The following COL24A1 variants were observed in gnomAD, a reference collection of about 807,000 sequenced individuals.
The protein encoded by COL24A1 is collagen alpha-1(XXIV) chain.
COL24A1 carries 224 observed loss-of-function variants against 253.9 expected under a neutral mutation model. The observed-to-expected ratio is 0.88, with a 90% confidence interval of 0.79 to 0.99. COL24A1 has a LOEUF of 0.99. Ranked by LOEUF, COL24A1 falls within the 50% of genes least tolerant of loss-of-function variation. COL24A1 has a pLI of 0.00. For synonymous variants in COL24A1, 685 were observed against 673.7 expected (o/e 1.02, Z -0.26); for missense variants, 2,131 against 2,068.5 (o/e 1.03, Z -0.59).
chr1:85,943,974 CAG>C (rs1336530829), intron 24 of COL24A1, among the ~76,000 whole-genome samples: 4 of 152,230 alleles, frequency 2.6e-5, no homozygotes, highest in Non-Finnish European at 5.9e-5. Flanking sequence ...ACAATGCTGA[CAG>C]TGTGTGCAGG....
At chr1:86,068,550 C>T (rs142471293) in intron 7 of COL24A1, among the ~76,000 whole-genome samples, 2 of 152,228 alleles carry the variant, frequency 1.3e-5, no homozygotes, top group East Asian at 3.9e-4. Context: ...TAGGACACGA[C>T]AACTGCAAAT....
intron 24 of COL24A1, among the ~76,000 whole-genome samples, 192 bp downstream of exon 24, chr1:85,961,057 T>C (rs1222081477): frequency 2.0e-5 from 3 of 152,000 alleles, no homozygotes; most frequent in African/African-American, 4.8e-5. Flanking sequence ...ATCAATTGTG[T>C]TTTCTCTCTT....
chr1:85,854,304 A>C (rs527567087), intron 37 of COL24A1, among the ~76,000 whole-genome samples: 9 of 152,008 alleles, frequency 5.9e-5, no homozygotes, highest in Non-Finnish European at 1.3e-4. Context: ...CGGTTCTCTA[A>C]CCTGTTTCAT....
At chr1:86,021,046 C>G (rs1458634569) in intron 18 of COL24A1, among the ~76,000 whole-genome samples, 1 of 152,098 alleles carries the variant, frequency 6.6e-6, no homozygotes, top group Non-Finnish European at 1.5e-5. Context: ...ATATAAAATA[C>G]TGTCACTGTT....
chr1:85,780,118 A>G (rs1668998283), intron 52 of COL24A1, among the ~76,000 whole-genome samples: 1 of 152,132 alleles, frequency 6.6e-6, no homozygotes. Flanking sequence ...CCCACTTACA[A>G]TCTTATATAG....
At position 85,869,513 on chromosome 1, in the gene COL24A1, A is replaced by G. The variant is rs1424204518; in HGVS notation, c.3139-678T>C. ...CAGCGGATCTCTTGGCAGAAACTCT[A>G]GAAGCCAGAAGAGAGTGGGGGCCAA... On this transcript the variant is annotated intron_variant, in intron 35 of 59. Transcript: ENST00000370571. Among the ~76,000 whole-genome samples, 5 of 152,364 alleles carry G rather than the reference A, an allele frequency of 3.3e-5. No homozygotes were observed. In the South Asian group the frequency reaches 6.2e-4, roughly 19 times the overall value.
At chr1:86,075,574 G>A (rs1349109202) in intron 7 of COL24A1, among the ~76,000 whole-genome samples, 1 of 152,206 alleles carries the variant, frequency 6.6e-6, no homozygotes, top group East Asian at 1.9e-4. Context: ...ACCAAAACCT[G>A]GCAGAGACAC....
Position 85,983,164 on chromosome 1 carries a change from C to A in COL24A1, c.2364+4437G>T, listed in dbSNP as rs1433244825. 2.0e-5 allele frequency among the ~76,000 whole-genome samples: 3 copies of A among 151,966 alleles called. No individual in the cohort carries two copies. The East Asian group carries it at 5.8e-4, about 29-fold the overall frequency. ...CAGCCTCTTTTAGCATCCCTAATTC[C>A]ATAGCCAAAGTAAAAACACAAACCT... On this transcript the variant is annotated intron_variant, in intron 20 of 59. Transcript: ENST00000370571.
intron 13 of COL24A1, among the ~76,000 whole-genome samples, chr1:86,032,808 G>A (rs529317918): frequency 7.9e-5 from 12 of 152,050 alleles, no homozygotes; most frequent in Admixed American, 2.6e-4. Context: ...TTTAAATGAA[G>A]AGCAGATTTC....
Position 86,126,225 on chromosome 1 carries a change from A to C in COL24A1, c.122-11T>G. The C allele has an allele frequency of 6.4e-7, 1 of 1,559,112 alleles. No homozygotes were observed. Among genetic ancestry groups the C allele is most frequent in the Non-Finnish European group, 8.6e-7 (1 of 1,162,306 alleles). On this transcript the variant is annotated splice_polypyrimidine_tract_variant and intron_variant, in intron 2 of 59. Coordinates refer to ENST00000370571, the MANE Select transcript of COL24A1 (RefSeq NM_152890.7). ...GAAGAATATCTATGCCTGGAAATTTAAAAAAGAGAGAGAGAAAGAATCTTA... is the reference window on the plus strand; with the variant it reads ...GAAGAATATCTATGCCTGGAAATTTCAAAAAGAGAGAGAGAAAGAATCTTA...
chr1:85,736,764 G>T (rs984422652), intron 58 of COL24A1, among the ~76,000 whole-genome samples: 6 of 152,204 alleles, frequency 3.9e-5, no homozygotes, highest in Admixed American at 3.9e-4. Context: ...ATCAGAAAAA[G>T]AAAGAAACAT....
At chr1:86,045,584 G>A (rs1453479174) in intron 12 of COL24A1, among the ~76,000 whole-genome samples, 3 of 152,014 alleles carry the variant, frequency 2.0e-5, no homozygotes, top group African/African-American at 7.2e-5. Context: ...ACACACCAAT[G>A]TATTCAAGTG....
intron 47 of COL24A1, among the ~76,000 whole-genome samples, chr1:85,788,472 T>A (rs188901331): frequency 1.9e-3 from 296 of 152,346 alleles, no homozygotes; most frequent in African/African-American, 6.4e-3. Context: ...TACACATTTG[T>A]CAGATGGTTA....
At chr1:85,960,236 A>G (rs1278173181) in intron 24 of COL24A1, among the ~76,000 whole-genome samples, 1 of 152,226 alleles carries the variant, frequency 6.6e-6, no homozygotes, top group African/African-American at 2.4e-5. Context: ...GTCATAAGAA[A>G]TAATATTATC....
intron 23 of COL24A1, among the ~76,000 whole-genome samples, chr1:85,963,394 TAAATTCC>T (rs1691252773): frequency 6.6e-6 from 1 of 152,184 alleles, no homozygotes; most frequent in African/African-American, 2.4e-5. Flanking sequence ...TTACCCTTCT[TAAATTCC>T]AAATTTGTGC....
At chr1:85,897,357 T>C (rs1415163143) in intron 28 of COL24A1, among the ~76,000 whole-genome samples, 2 of 151,870 alleles carry the variant, frequency 1.3e-5, no homozygotes, top group African/African-American at 2.4e-5. Context: ...GTCACATGTT[T>C]ACCTATGTAA....
At chr1:85,739,208 T>G (rs557099085) in intron 57 of COL24A1, among the ~76,000 whole-genome samples, 22 of 152,330 alleles carry the variant, frequency 1.4e-4, no homozygotes, top group African/African-American at 5.1e-4. Context: ...TCACCTTCTC[T>G]TGTCTTCCAA....
chr1:86,069,379 A>G (rs1347046127), intron 7 of COL24A1, among the ~76,000 whole-genome samples: 1 of 152,144 alleles, frequency 6.6e-6, no homozygotes, highest in East Asian at 1.9e-4. Context: ...GCCTGGGGAA[A>G]TTGCTGGAAA....
intron 35 of COL24A1, among the ~76,000 whole-genome samples, chr1:85,871,406 T>C (rs1322894997): frequency 6.6e-6 from 1 of 152,154 alleles, no homozygotes; most frequent in Non-Finnish European, 1.5e-5. Flanking sequence ...AAGAGAATTT[T>C]AGACCAATAT....
Sources: allele counts gnomAD v4.1 joint callset (sites outside exome capture counted in the v4.1 genomes callset), GRCh38; gene constraint gnomAD v4.1.1; transcripts MANE v1.5; gene names NCBI Gene and HGNC (gene_info 2026-07-23, HGNC 2026-07-21).